The following TSTD2 variants were observed in gnomAD, a reference collection of about 807,000 sequenced individuals.
The protein encoded by TSTD2 is thiosulfate sulfurtransferase/rhodanese-like domain-containing protein 2.
Under a neutral mutation model 47.9 loss-of-function variants are expected in TSTD2, and 37 were observed. The ratio of observed to expected loss-of-function variants is 0.77; its 90% CI spans 0.59 to 1.02. The LOEUF is 1.02. TSTD2 is among the 50% of genes least tolerant of loss of function. TSTD2 has a pLI of 0.00. For synonymous variants in TSTD2, 201 were observed against 215.9 expected (o/e 0.93, Z 0.61); for missense variants, 586 against 616.0 (o/e 0.95, Z 0.52).
At position 97,602,501 on chromosome 9, in the gene TSTD2, C is replaced by T. The variant is rs147770827; in HGVS notation, c.1519G>A (p.Asp507Asn). The change falls in exon 10 of 10, where the codon GAT (aspartate) becomes AAT (asparagine). Residue 507 changes from aspartate (D) to asparagine (N), a missense_variant. By Grantham distance (23) the Asp-to-Asn change is conservative (BLOSUM62 1). Transcript: ENST00000341170. The stretch of plus-strand genomic sequence containing the variant: ...AGCACTGGCCCATCCTCATCAGCAT[C>T]AGGCCCTGGCTCTGGGCTCACAGGC... ...RQPVSPEPGP[D>N]ADEDGPVLM is the part of the protein sequence containing the mutation. 3.2e-4 allele frequency: 519 copies of T among 1,612,974 alleles called. No individual in the cohort carries two copies. The highest frequency in any genetic ancestry group is 4.1e-4 in the Non-Finnish European group (489 of 1,179,384).
In TSTD2 at chr9:97,605,652, G is replaced by A. The variant is rs201120481; in HGVS notation, c.955-11C>T. On this transcript the variant is annotated splice_polypyrimidine_tract_variant and intron_variant, in intron 7 of 9. Transcript: ENST00000341170. ...GCCTTGGAATCGTCCCTGTAACATA[G>A]GAGCAACAAAAGGAAAATTATCAGA... 1.2e-5 allele frequency: 20 copies of A among 1,614,036 alleles called. No homozygotes were observed. The Admixed American group carries it at 3.2e-4, about 26-fold the overall frequency.
rs1826223407 is a variant in TSTD2 at position 97,600,236 on chromosome 9, C to T, written c.*2233G>A. The T allele has an allele frequency of 4.0e-6, 4 of 991,054 alleles. No homozygotes were observed. The Admixed American group carries it at 2.3e-4, about 57-fold the overall frequency. The allele number at this position is 991,054 out of a possible 1,614,324, so 61.4% of individuals were successfully genotyped here. A position where few individuals can be genotyped will look rare whatever the true frequency, so the allele number is the denominator to read the frequency against. The stretch of plus-strand genomic sequence containing the variant: ...TGGATCCAGAACACAATTTTCCCCT[C>T]AGAACAGATAGACAGACTGAAGCCA... On this transcript the variant is annotated 3_prime_UTR_variant, in exon 10 of 10. Coordinates refer to ENST00000341170, the MANE Select transcript of TSTD2 (RefSeq NM_139246.5).
At chr9:97,632,655 G>C (rs1427063459) in intron 1 of TSTD2, among the ~76,000 whole-genome samples, 3 of 152,022 alleles carry the variant, frequency 2.0e-5, no homozygotes, top group Non-Finnish European at 2.9e-5. Context: ...ATAAGTGTTA[G>C]GATTACAAGC....
chr9:97,610,491 C>A, intron 5 of TSTD2, 40 bp from the exon 6 acceptor site: 2 of 1,415,772 alleles, frequency 1.4e-6, no homozygotes, highest in East Asian at 2.6e-5. Flanking sequence ...GTCTTGCTGT[C>A]CCATCTCCAG....
chr9:97,602,316 C>A lies in TSTD2; in HGVS notation c.*153G>T. ...AGTGGTAGACAACGTGACTCCTCCCCTCCCGCTGTGAAGTGTAGACGGCTG... is the reference window on the plus strand; with the variant it reads ...AGTGGTAGACAACGTGACTCCTCCCATCCCGCTGTGAAGTGTAGACGGCTG... On this transcript the variant is annotated 3_prime_UTR_variant, in exon 10 of 10. Coordinates refer to ENST00000341170, the MANE Select transcript of TSTD2 (RefSeq NM_139246.5). 1.2e-6 allele frequency: 1 copy of A among 867,812 alleles called. No individual in the cohort carries two copies. The highest frequency in any genetic ancestry group is 1.7e-6 in the Non-Finnish European group (1 of 583,912). 53.8% of individuals were successfully genotyped at this position (867,812 alleles called of 1,614,324 possible).
At chr9:97,606,580 G>T (rs1468111244) in intron 6 of TSTD2, among the ~76,000 whole-genome samples, 2 of 152,140 alleles carry the variant, frequency 1.3e-5, no homozygotes, top group African/African-American at 4.8e-5. Context: ...CAGGCAACTG[G>T]GATCTAAATT....
In TSTD2 at chr9:97,608,492, C is replaced by T. The variant is rs571013924; in HGVS notation, c.835+1854G>A. Among the ~76,000 whole-genome samples, 19 of 151,660 alleles carry T rather than the reference C, an allele frequency of 1.3e-4. 1 individual carries two copies. The East Asian group carries it at 2.4e-3, about 19-fold the overall frequency. On this transcript the variant is annotated intron_variant, in intron 6 of 9. Transcript: ENST00000341170. ...CTCTACTAAAAATACAAAAATTACC[C>T]GGGTGTGGTGGCGCACACTTGTAAT...
intron 3 of TSTD2, among the ~76,000 whole-genome samples, chr9:97,621,604 G>C (rs1826637677): frequency 6.6e-6 from 1 of 152,180 alleles, no homozygotes; most frequent in African/African-American, 2.4e-5. Context: ...ACACTCTGGG[G>C]GTGTCTGCCT....
At chr9:97,622,133 G>A (rs1367684891) in intron 3 of TSTD2, among the ~76,000 whole-genome samples, 1 of 152,196 alleles carries the variant, frequency 6.6e-6, no homozygotes, top group Non-Finnish European at 1.5e-5. Context: ...TAATGCCTGA[G>A]GGTCTAGGAG....
chr9:97,627,429 G>A lies in TSTD2; in HGVS notation c.134C>T (p.Thr45Ile), dbSNP rs748454590. Residue 45 changes from threonine to isoleucine, a missense_variant, in exon 2 of 10, where the codon ACA (threonine) becomes ATA (isoleucine). Physicochemically the swap from Thr to Ile is moderately conservative, Grantham distance 89. Coordinates refer to ENST00000341170, the MANE Select transcript of TSTD2 (RefSeq NM_139246.5). The part of the protein sequence containing the change: ...SSLKAELDGS[T>I]KKKYSFAKKK... Reference sequence around the variant, plus strand: ...CTTTGCAAACGAGTATTTCTTTTTTGTACTGCCATCTAATTCTGCTTTAAG... The same window carrying A: ...CTTTGCAAACGAGTATTTCTTTTTTATACTGCCATCTAATTCTGCTTTAAG... 2.5e-6 allele frequency: 4 copies of A among 1,601,430 alleles called. No homozygotes were observed. Among genetic ancestry groups the A allele is most frequent in the Non-Finnish European group, 3.4e-6 (4 of 1,173,512 alleles).
intron 9 of TSTD2, 122 bp from the exon 10 acceptor site, chr9:97,602,889 T>TAGTA (rs1054146446): frequency 1.0e-6 from 1 of 989,276 alleles, no homozygotes; most frequent in African/African-American, 1.6e-5. Flanking sequence ...GGTTTCCAAA[T>TAGTA]AGTAAGTCTT....
intron 4 of TSTD2, among the ~76,000 whole-genome samples, 173 bp from the exon 5 acceptor site, chr9:97,611,872 AAACTTTT>A (rs1480062475): frequency 1.3e-5 from 2 of 152,206 alleles, no homozygotes; most frequent in Admixed American, 6.5e-5. Context: ...TTTTTATTTT[AAACTTTT>A]AAGTCCAGGG....
chr9:97,613,322 C>A lies in TSTD2; in HGVS notation c.604-1623G>T, dbSNP rs1026159704. ...CAAACCATCCACTGGAATACAAGTT[C>A]CACATGGGTGTGTGTCTGTTTTGCT... On this transcript the variant is annotated intron_variant, in intron 4 of 9. Transcript: ENST00000341170. Among the ~76,000 whole-genome samples the A allele has an allele frequency of 3.3e-5, 5 of 152,246 alleles. No individual in the cohort carries two copies. The East Asian group carries it at 7.7e-4, about 24-fold the overall frequency.
At chr9:97,617,241 G>A (rs566677800) in intron 4 of TSTD2, among the ~76,000 whole-genome samples, 97 of 152,334 alleles carry the variant, frequency 6.4e-4, no homozygotes, top group African/African-American at 2.2e-3. Flanking sequence ...GCACTCTAGA[G>A]AGGAAGGAAA....
At chr9:97,622,555 C>T (rs1826657051) in intron 3 of TSTD2, among the ~76,000 whole-genome samples, 1 of 152,186 alleles carries the variant, frequency 6.6e-6, no homozygotes, top group African/African-American at 2.4e-5. Context: ...CCTCCAGACC[C>T]CAGAATGGTA....
intron 5 of TSTD2, 55 bp downstream of exon 5, chr9:97,611,519 G>A (rs1344398264): frequency 1.3e-6 from 2 of 1,526,958 alleles, no homozygotes; most frequent in Non-Finnish European, 1.8e-6. Flanking sequence ...TCAATAACAT[G>A]CACAGAGGCA....
In TSTD2 at chr9:97,602,759, A is replaced by G. The variant is rs761595468; in HGVS notation, c.1261T>C (p.Tyr421His). 4 of 1,609,444 alleles carry G rather than the reference A, an allele frequency of 2.5e-6. No individual in the cohort carries two copies. Among genetic ancestry groups the G allele is most frequent in the South Asian group, 2.2e-5 (2 of 90,644 alleles). ...YNSDVVSECSYCGARWDQYKL... is the reference protein window; with the variant it reads ...YNSDVVSECSHCGARWDQYKL... ...TACTGGTCCCAGCGGGCTCCACAGT[A>G]TGAACACTCTGGGGAGGAAGGAAAA... is the stretch of plus-strand genomic sequence containing the variant. Residue 421 changes from tyrosine to histidine, a missense_variant, in exon 10 of 10, where the codon TAC becomes CAC. Tyr to His is a moderately conservative substitution (Grantham distance 83). Transcript: ENST00000341170.
In TSTD2 at chr9:97,627,495, A is replaced by C. The variant is rs868472566; in HGVS notation, c.68T>G (p.Leu23Arg). The C allele has an allele frequency of 6.8e-6, 11 of 1,613,622 alleles. No homozygotes were observed. Among genetic ancestry groups the C allele is most frequent in the Middle Eastern group, 1.6e-4 (1 of 6,082 alleles). ...LENCILRFSD[L>R]DLKDMSLINP... ...AATAAGACTCATATCTTTTAAATCC[A>C]GGTCAGAAAATCTTAAAATGCAGTT... The change falls in exon 2 of 10, where the codon CTG becomes CGG. Residue 23 changes from leucine to arginine, a missense_variant. Physicochemically the swap from Leu to Arg is moderately radical, Grantham distance 102. Coordinates refer to ENST00000341170, the MANE Select transcript of TSTD2 (RefSeq NM_139246.5).
rs1487734650 is a variant in TSTD2, at chr9:97,627,433, T to C, written c.130A>G (p.Ser44Gly). 18 of 1,605,228 alleles carry C rather than the reference T, an allele frequency of 1.1e-5. No homozygotes were observed. In the Admixed American group the frequency reaches 2.9e-4, roughly 26 times the overall value. ...GCAAACGAGTATTTCTTTTTTGTACTGCCATCTAATTCTGCTTTAAGACTG... is the reference window on the plus strand; with the variant it reads ...GCAAACGAGTATTTCTTTTTTGTACCGCCATCTAATTCTGCTTTAAGACTG... Reference protein sequence around the residue: ...SSSLKAELDGSTKKKYSFAKK... With the variant: ...SSSLKAELDGGTKKKYSFAKK... The change falls in exon 2 of 10, where the codon AGT becomes GGT. Residue 44 changes from serine to glycine, a missense_variant. Transcript: ENST00000341170.
Sources: gnomAD v4.1 joint callset for allele counts (sites outside exome capture counted in the v4.1 genomes callset) on GRCh38, gnomAD v4.1.1 for gene constraint, MANE v1.5 for transcripts, NCBI Gene and HGNC (gene_info 2026-07-23, HGNC 2026-07-21) for gene names.